AHCYL2: variants seen among roughly 807,000 people sequenced by gnomAD.
AHCYL2 encodes adenosylhomocysteinase like 2.
A neutral mutation model predicts 81.4 loss-of-function variants in AHCYL2; 28 were observed. The observed-to-expected ratio is 0.34, with a 90% CI of 0.25 to 0.47. AHCYL2 has a LOEUF of 0.47. Ranked by LOEUF, AHCYL2 falls within the 20% of genes least tolerant of loss-of-function variation. The pLI, the probability that AHCYL2 is intolerant of heterozygous loss-of-function variation, is 1.00. For missense variants in AHCYL2, 551 were observed against 785.1 expected, an observed-to-expected ratio of 0.70 and a Z score of 3.56; for synonymous variants, 272 against 290.2, an observed-to-expected ratio of 0.94 and a Z score of 0.64.
At chr7:129,417,611 T>C (rs1185811244) in intron 12 of AHCYL2, among the ~76,000 whole-genome samples, 1 of 152,328 alleles carries the variant, frequency 6.6e-6, no homozygotes, top group African/African-American at 2.4e-5. Flanking sequence ...GGAAGATATA[T>C]AGCTAAGCTA....
intron 2 of AHCYL2, among the ~76,000 whole-genome samples, chr7:129,380,887 C>T (rs1386322684): frequency 6.6e-6 from 1 of 152,062 alleles, no homozygotes; most frequent in East Asian, 1.9e-4. Context: ...ACCACAGGCA[C>T]CCACCACCAT....
intron 1 of AHCYL2, among the ~76,000 whole-genome samples, chr7:129,242,672 G>A (rs978620871): frequency 4.6e-5 from 7 of 150,836 alleles, no homozygotes; most frequent in African/African-American, 9.8e-5. Context: ...AGCTGAGATC[G>A]TGCCATTGCA....
At chr7:129,263,544 C>G (rs1345666350) in intron 1 of AHCYL2, among the ~76,000 whole-genome samples, 3 of 152,182 alleles carry the variant, frequency 2.0e-5, no homozygotes, top group Admixed American at 1.3e-4. Flanking sequence ...TTCCCAGTGA[C>G]TTGAAGTAGC....
intron 1 of AHCYL2, among the ~76,000 whole-genome samples, chr7:129,313,416 T>C (rs929401500): frequency 5.3e-5 from 8 of 152,228 alleles, no homozygotes; most frequent in Admixed American, 5.2e-4. Flanking sequence ...AGGCTCAGTG[T>C]TCTGGCCGTG....
chr7:129,365,802 A>G (rs1290821729), intron 1 of AHCYL2, among the ~76,000 whole-genome samples: 1 of 151,830 alleles, frequency 6.6e-6, no homozygotes, highest in Non-Finnish European at 1.5e-5. Context: ...GGGGAAATCA[A>G]AGGTGCCTGA....
In AHCYL2 at chr7:129,426,314, T is replaced by C. The variant is rs760956347; in HGVS notation, c.1709-129T>C. ...AGAATTGAGGACCAGTGAGCGAAGGTTGAACATTTTTCATTCAGCTCCAGG... is the reference window on the plus strand; with the variant it reads ...AGAATTGAGGACCAGTGAGCGAAGGCTGAACATTTTTCATTCAGCTCCAGG... On this transcript the variant is annotated intron_variant, in intron 15 of 16. Transcript: ENST00000325006. The surrounding 1 kb of genome is among the most constrained non-coding windows in gnomAD (Gnocchi z 4.3). 1.1e-5 allele frequency: 16 copies of C among 1,418,484 alleles called. No individual in the cohort carries two copies. The highest frequency in any genetic ancestry group is 1.6e-5 in the Non-Finnish European group (16 of 1,010,240). 87.9% of individuals were successfully genotyped at this position (1,418,484 alleles called of 1,614,324 possible).
chr7:129,264,002 G>A (rs1197365522), intron 1 of AHCYL2, among the ~76,000 whole-genome samples: 1 of 152,082 alleles, frequency 6.6e-6, no homozygotes, highest in African/African-American at 2.4e-5. Flanking sequence ...CAGGTCAGAG[G>A]AGAAGATATT....
chr7:129,397,420 A>G (rs1392994019), intron 5 of AHCYL2, 96 bp downstream of exon 5: 1 of 1,213,740 alleles, frequency 8.2e-7, no homozygotes, highest in African/African-American at 1.5e-5. Flanking sequence ...TTGACAATAA[A>G]AGAACTATCT....
intron 1 of AHCYL2, among the ~76,000 whole-genome samples, chr7:129,232,042 G>A (rs1314832979): frequency 5.3e-5 from 8 of 152,098 alleles, no homozygotes; most frequent in South Asian, 4.1e-4. Context: ...TGCTGATTGA[G>A]TTTCTCTGAG....
At chr7:129,387,450 GACC>G (rs766444792) in intron 2 of AHCYL2, among the ~76,000 whole-genome samples, 4 of 152,180 alleles carry the variant, frequency 2.6e-5, no homozygotes, top group African/African-American at 4.8e-5. Flanking sequence ...CAGAACACAT[GACC>G]GCTATATTTA....
At position 129,338,036 on chromosome 7, in the gene AHCYL2, G is replaced by C. The variant is rs183071657; in HGVS notation, c.364-41602G>C. Among the ~76,000 whole-genome samples, 25 of 152,256 alleles carry C rather than the reference G, an allele frequency of 1.6e-4. No individual in the cohort carries two copies. The East Asian group carries it at 4.4e-3, about 27-fold the overall frequency. On this transcript the variant is annotated intron_variant, in intron 1 of 16. Coordinates refer to ENST00000325006, the MANE Select transcript of AHCYL2 (RefSeq NM_015328.4). ...TGGGATTACAGGTATGAGCCACCGCGCCTGGCCAGTTTTTCTTTACAACAA... is the reference window on the plus strand; with the variant it reads ...TGGGATTACAGGTATGAGCCACCGCCCCTGGCCAGTTTTTCTTTACAACAA...
chr7:129,265,988 A>T (rs1192196335), intron 1 of AHCYL2, among the ~76,000 whole-genome samples: 2 of 152,220 alleles, frequency 1.3e-5, no homozygotes, highest in Non-Finnish European at 2.9e-5. Context: ...ATGACTTCAA[A>T]GTCTTTGTCC....
chr7:129,269,582 GGTTTT>G (rs72131185), intron 1 of AHCYL2, among the ~76,000 whole-genome samples: 148,350 of 150,848 alleles, frequency 0.98, 72,928 homozygotes, highest in Middle Eastern at 1. Flanking sequence ...CCACTGTGCC[GGTTTT>G]GTTTTGTTTT....
intron 1 of AHCYL2, among the ~76,000 whole-genome samples, chr7:129,282,675 A>AT (rs1290293552): frequency 6.6e-6 from 1 of 151,312 alleles, no homozygotes; most frequent in Non-Finnish European, 1.5e-5. Context: ...CAGTTGATTG[A>AT]TTTTTTTCTT....
intron 12 of AHCYL2, among the ~76,000 whole-genome samples, chr7:129,414,465 G>A (rs1027587058): frequency 7.9e-6 from 1 of 127,310 alleles, no homozygotes; most frequent in Admixed American, 1.0e-4. Context: ...CTGTCGCCCA[G>A]GCTGGAGTGC....
chr7:129,312,732 A>G (rs1263819012), intron 1 of AHCYL2, among the ~76,000 whole-genome samples: 1 of 152,224 alleles, frequency 6.6e-6, no homozygotes, highest in South Asian at 2.1e-4. Context: ...TACAGCATAT[A>G]TAACACCATC....
chr7:129,395,625 G>T (rs1795693262), intron 4 of AHCYL2, among the ~76,000 whole-genome samples: 1 of 152,098 alleles, frequency 6.6e-6, no homozygotes, highest in Non-Finnish European at 1.5e-5. Flanking sequence ...GTCCCTAATG[G>T]CAGGCCCAAT....
intron 1 of AHCYL2, among the ~76,000 whole-genome samples, chr7:129,239,638 A>G (rs1457024125): frequency 6.6e-6 from 1 of 152,102 alleles, no homozygotes; most frequent in Admixed American, 6.6e-5. Flanking sequence ...ATGAAACCTC[A>G]GAGTAGAAAA....
At chr7:129,250,354 A>C (rs993632507) in intron 1 of AHCYL2, among the ~76,000 whole-genome samples, 6 of 152,190 alleles carry the variant, frequency 3.9e-5, no homozygotes, top group African/African-American at 1.4e-4. Flanking sequence ...TATACCTAAG[A>C]GTGGAATTGC....
Sources: gnomAD v4.1 joint callset for allele counts (sites outside exome capture counted in the v4.1 genomes callset) on GRCh38, gnomAD v4.1.1 for gene constraint, Gnocchi (gnomAD v3.1) non-coding constraint, MANE v1.5 for transcripts, NCBI Gene and HGNC (gene_info 2026-07-23, HGNC 2026-07-21) for gene names.